Variants in NRP1 observed in about 807,000 individuals in gnomAD.
The protein encoded by NRP1 is neuropilin 1.
NRP1 carries 35 observed loss-of-function variants against 106.7 expected under a neutral mutation model. The ratio of observed to expected loss-of-function variants is 0.33; its 90% CI spans 0.25 to 0.43. NRP1 has a LOEUF of 0.43. NRP1 is among the 20% of genes least tolerant of loss of function. The pLI is 1.00. For missense variants in NRP1, 1,024 were observed against 1,170.4 expected, an observed-to-expected ratio of 0.87 and a Z score of 1.83; for synonymous variants, 437 against 417.9, an observed-to-expected ratio of 1.05 and a Z score of -0.56.
intron 2 of NRP1, among the ~76,000 whole-genome samples, chr10:33,311,189 A>G (rs1846584862): frequency 6.6e-6 from 1 of 152,206 alleles, no homozygotes; most frequent in Admixed American, 6.5e-5. Flanking sequence ...CTTGGGAAAC[A>G]AGAGTATTCC....
At position 33,192,218 on chromosome 10, in the gene NRP1, A is replaced by C. The variant is rs954018909; in HGVS notation, c.2062+63T>G. ...CACAGACATTAGAAACCCTCCCAGT[A>C]ACACAGCCTCGGAATCAAAGAGAAT... On this transcript the variant is annotated intron_variant, in intron 13 of 16. Coordinates refer to ENST00000374867, the MANE Select transcript of NRP1 (RefSeq NM_003873.7). 21 of 1,560,100 alleles carry C rather than the reference A, an allele frequency of 1.3e-5. No homozygotes were observed. In the Admixed American group the frequency reaches 1.6e-4, roughly 12 times the overall value.
At chr10:33,214,864 C>A (rs1173588343) in intron 8 of NRP1, among the ~76,000 whole-genome samples, 2 of 152,038 alleles carry the variant, frequency 1.3e-5, no homozygotes, top group Non-Finnish European at 2.9e-5. Context: ...CAGTCTGAGA[C>A]AATTATAAAA....
chr10:33,184,027 T>G (rs1346028490), intron 15 of NRP1, among the ~76,000 whole-genome samples: 4 of 152,156 alleles, frequency 2.6e-5, no homozygotes, highest in African/African-American at 9.7e-5. Context: ...TTTTCTTTTT[T>G]TTGAAATGGG....
At chr10:33,278,643 G>C (rs1408031392) in intron 2 of NRP1, among the ~76,000 whole-genome samples, 3 of 152,122 alleles carry the variant, frequency 2.0e-5, no homozygotes, top group Non-Finnish European at 4.4e-5. Flanking sequence ...AGGCTTCTAG[G>C]ACATTCTCCT....
At chr10:33,302,189 A>G (rs1845849134) in intron 2 of NRP1, among the ~76,000 whole-genome samples, 1 of 152,240 alleles carries the variant, frequency 6.6e-6, no homozygotes, top group Non-Finnish European at 1.5e-5. Context: ...AAACACACAT[A>G]CAAACTAGAC....
chr10:33,202,573 G>GGGA, intron 11 of NRP1: 1 of 1,423,288 alleles, frequency 7.0e-7, no homozygotes, highest in South Asian at 1.5e-5. Context: ...TTATTGGGGG[G>GGGA]GGGTCTGAAA....
At chr10:33,206,378 A>C (rs2474715) in intron 10 of NRP1, 1 of 513,588 alleles carries the variant, frequency 1.9e-6, no homozygotes, top group Non-Finnish European at 3.9e-6. Flanking sequence ...GGTTTGGGAC[A>C]TGACTACAGA....
intron 6 of NRP1, among the ~76,000 whole-genome samples, chr10:33,233,501 C>T (rs550299474): frequency 6.6e-5 from 10 of 152,310 alleles, no homozygotes; most frequent in East Asian, 1.9e-4. Context: ...AACACCAGCA[C>T]GCAGCCTTCC....
chr10:33,244,114 G>A (rs544577758), intron 6 of NRP1, among the ~76,000 whole-genome samples: 1 of 152,216 alleles, frequency 6.6e-6, no homozygotes, highest in Admixed American at 6.5e-5. Context: ...CCACACCAGG[G>A]CTTTGGAATT....
In NRP1 at chr10:33,186,461, G is replaced by T. The variant is rs1836012360; in HGVS notation, c.2090C>A (p.Ala697Asp). 5.6e-6 allele frequency: 9 copies of T among 1,613,182 alleles called. No homozygotes were observed. Among genetic ancestry groups the T allele is most frequent in the Non-Finnish European group, 7.6e-6 (9 of 1,179,488 alleles). The change falls in exon 14 of 17, where the codon GCT (alanine) becomes GAT (aspartate). Residue 697 changes from alanine to aspartate, a missense_variant. By Grantham distance (126) the Ala-to-Asp change is moderately radical. Around this residue, in one of 5 missense-constraint regions of NRP1, gnomAD observed 562 missense variants for 620.3 expected, o/e 0.91. Coordinates refer to ENST00000374867, the MANE Select transcript of NRP1 (RefSeq NM_003873.7). ...CACTTTGCCCTTCTGATTTTCGTCA[G>T]CTTGGGAATAGATGAAGTTGCCATC... The part of the protein sequence containing the change: ...TGDGNFIYSQ[A>D]DENQKGKVAR...
chr10:33,209,194 C>T (rs892062548), intron 9 of NRP1, among the ~76,000 whole-genome samples: 1 of 151,124 alleles, frequency 6.6e-6, no homozygotes, highest in African/African-American at 2.4e-5. Flanking sequence ...GGCGTGAACC[C>T]CCATGCCTGG....
chr10:33,281,330 G>A (rs191944952), intron 2 of NRP1, among the ~76,000 whole-genome samples: 116 of 152,070 alleles, frequency 7.6e-4, no homozygotes, highest in Admixed American at 2.0e-3. Context: ...GATTACAGGC[G>A]TGAGCCACCA....
At chr10:33,297,935 G>T (rs774590239) in intron 2 of NRP1, among the ~76,000 whole-genome samples, 10 of 151,774 alleles carry the variant, frequency 6.6e-5, no homozygotes, top group Non-Finnish European at 1.3e-4. Flanking sequence ...AAATCCCCTG[G>T]AATCATATTA....
Position 33,179,399 on chromosome 10 carries a change from A to C in NRP1, c.*677T>G, listed in dbSNP as rs1396343439. The C allele has an allele frequency of 6.5e-6, 1 of 152,772 alleles. No homozygotes were observed. The highest frequency in any genetic ancestry group is 1.5e-5 in the Non-Finnish European group (1 of 68,160). The allele number at this position is 152,772 out of a possible 1,614,324, so 9.5% of individuals were successfully genotyped here. A position where few individuals can be genotyped will look rare whatever the true frequency, so the allele number is the denominator to read the frequency against. On this transcript the variant is annotated 3_prime_UTR_variant, in exon 17 of 17. Coordinates refer to ENST00000374867, the MANE Select transcript of NRP1 (RefSeq NM_003873.7). ...TGTTGCGGTTGTCAGCAGTATACCC[A>C]GTGGCCAGCCGTGTTCAGGGATGGC...
At chr10:33,263,415 C>G (rs1338723983) in intron 4 of NRP1, among the ~76,000 whole-genome samples, 1 of 152,216 alleles carries the variant, frequency 6.6e-6, no homozygotes, top group Non-Finnish European at 1.5e-5. Context: ...TGTAATCTTT[C>G]ATGGCCTCAG....
intron 2 of NRP1, among the ~76,000 whole-genome samples, chr10:33,293,953 C>T (rs1399984586): frequency 3.3e-5 from 5 of 152,192 alleles, no homozygotes; most frequent in Non-Finnish European, 7.3e-5. Flanking sequence ...CAGAATTAAC[C>T]TCAGGACAAC....
At chr10:33,230,126 G>A (rs890370316) in intron 6 of NRP1, among the ~76,000 whole-genome samples, 1 of 152,168 alleles carries the variant, frequency 6.6e-6, no homozygotes, top group Non-Finnish European at 1.5e-5. Flanking sequence ...GACCAGGGAA[G>A]TTCTTTCCAC....
chr10:33,258,344 G>C (rs569915321), intron 4 of NRP1, among the ~76,000 whole-genome samples: 1 of 152,328 alleles, frequency 6.6e-6, no homozygotes, highest in Middle Eastern at 3.4e-3. Context: ...GGGTTGCTTT[G>C]AATAATACCT....
chr10:33,264,569 G>C (rs1300883890), intron 3 of NRP1, among the ~76,000 whole-genome samples: 2 of 152,160 alleles, frequency 1.3e-5, no homozygotes, highest in African/African-American at 2.4e-5. Flanking sequence ...ACACAGTATA[G>C]TACGCCATTC....
Sources: gnomAD v4.1 joint callset for allele counts (sites outside exome capture counted in the v4.1 genomes callset) on GRCh38, gnomAD v4.1.1 for gene constraint, gnomAD v4.1.1 regional missense constraint, MANE v1.5 for transcripts, NCBI Gene and HGNC (gene_info 2026-07-23, HGNC 2026-07-21) for gene names.